The following ABCB11 variants were observed in gnomAD, a reference collection of about 807,000 sequenced individuals.
ABCB11 encodes the protein ATP binding cassette subfamily B member 11.
In ABCB11, 95 loss-of-function variants were observed where a neutral mutation model predicts 148.0. The observed-to-expected ratio is 0.64, with a 90% confidence interval of 0.54 to 0.76. The LOEUF (loss-of-function observed/expected upper bound fraction) is 0.76, where lower values mean the gene tolerates loss of function less well. Among genes scored for constraint, ABCB11 ranks in the 30% least tolerant of loss-of-function variants. The pLI, the probability that ABCB11 is intolerant of heterozygous loss-of-function variation, is 0.00. For synonymous variants in ABCB11, 591 were observed against 555.4 expected (o/e 1.06, Z -0.90); for missense variants, 1,523 against 1,617.8 (o/e 0.94, Z 1.01).
At chr2:169,018,260 T>C (rs905210992) in intron 1 of ABCB11, 108 bp from the exon 2 acceptor site, 2 of 987,336 alleles carry the variant, frequency 2.0e-6, no homozygotes, top group African/African-American at 1.6e-5. Context: ...TCTTTACTAA[T>C]CAATCTCAGA....
chr2:168,989,635 G>A (rs978090217), intron 9 of ABCB11, among the ~76,000 whole-genome samples: 1 of 152,018 alleles, frequency 6.6e-6, no homozygotes, highest in African/African-American at 2.4e-5. Flanking sequence ...GCTATTCAAG[G>A]TCTTTTGTGG....
chr2:168,956,866 C>A (rs1300798024), intron 19 of ABCB11, among the ~76,000 whole-genome samples: 1 of 151,592 alleles, frequency 6.6e-6, no homozygotes, highest in Admixed American at 6.6e-5. Context: ...ATTGTGAAAG[C>A]CCATTTTGGA....
Position 168,922,805 on chromosome 2 carries a change from G to T in ABCB11, c.*817C>A, listed in dbSNP as rs116118794. 17 of 152,210 alleles carry T rather than the reference G, an allele frequency of 1.1e-4. No homozygotes were observed. Among genetic ancestry groups the T allele is most frequent in the Non-Finnish European group, 1.8e-4 (12 of 68,012 alleles). 9.4% of individuals were successfully genotyped at this position (152,210 alleles called of 1,614,324 possible). On this transcript the variant is annotated 3_prime_UTR_variant, in exon 28 of 28. Transcript: ENST00000650372. ...ATGAAACTACAGCAAAGTAAAATGC[G>T]CTATTTTCATTTCATGAATATAATT...
intron 5 of ABCB11, among the ~76,000 whole-genome samples, chr2:169,003,323 C>CGTGTGTGTGTGTGT (rs139250976): frequency 3.5e-4 from 50 of 141,652 alleles, no homozygotes; most frequent in African/African-American, 1.1e-3. Flanking sequence ...TTCCATGGTG[C>CGTGTGTGTGTGTGT]GTGTGTGTGT....
In ABCB11 at chr2:168,932,540, C is replaced by A. The variant is rs1309190248; in HGVS notation, c.3057-7G>T. 1.2e-6 allele frequency: 2 copies of A among 1,612,588 alleles called. No homozygotes were observed. On this transcript the variant is annotated splice_region_variant and splice_polypyrimidine_tract_variant and intron_variant, in intron 23 of 27. Transcript: ENST00000650372. ...TACAACTGCAGAGATCACCCTGTAA[C>A]CAGACAGACACACAGGAAGAGAGCA...
chr2:168,976,255 T>C (rs1451555088), intron 12 of ABCB11, among the ~76,000 whole-genome samples: 1 of 152,138 alleles, frequency 6.6e-6, no homozygotes, highest in Admixed American at 6.6e-5. Context: ...ATTGTTGTAA[T>C]TGCCTTGTCA....
intron 5 of ABCB11, among the ~76,000 whole-genome samples, chr2:169,010,299 C>T (rs181897705): frequency 2.0e-5 from 3 of 152,114 alleles, no homozygotes; most frequent in Admixed American, 2.0e-4. Flanking sequence ...CCTTCATCTG[C>T]TTTCATTTTT....
intron 19 of ABCB11, among the ~76,000 whole-genome samples, chr2:168,954,947 C>A (rs1692727076): frequency 1.3e-5 from 2 of 151,480 alleles, no homozygotes; most frequent in Non-Finnish European, 3.0e-5. Flanking sequence ...TCTTTTTATT[C>A]TTTTTTCCTT....
intron 21 of ABCB11, among the ~76,000 whole-genome samples, chr2:168,944,251 G>C (rs1692199587): frequency 6.7e-6 from 1 of 150,106 alleles, no homozygotes; most frequent in Non-Finnish European, 1.5e-5. Context: ...GTGTGAGTAA[G>C]GAGACTTCCT....
chr2:168,932,627 C>T, intron 23 of ABCB11, 94 bp from the exon 24 acceptor site: 1 of 1,454,270 alleles, frequency 6.9e-7, no homozygotes, highest in Non-Finnish European at 9.3e-7. Flanking sequence ...CCTGGTTCTG[C>T]CAGGAAAGGA....
rs907514333 is a variant in ABCB11, at chr2:168,922,206, C to T, written c.*1416G>A. On this transcript the variant is annotated 3_prime_UTR_variant, in exon 28 of 28. Coordinates refer to ENST00000650372, the MANE Select transcript of ABCB11 (RefSeq NM_003742.4). ...AGAAAATCATTCTTCAATCTCCTGC[C>T]AGAAGAGAGGGGCTGGGAGTTCTTC... Among the ~76,000 whole-genome samples the T allele has an allele frequency of 6.6e-6, 1 of 152,136 alleles. No homozygotes were observed. The highest frequency in any genetic ancestry group is 2.4e-5 in the African/African-American group (1 of 41,432).
Position 168,921,411 on chromosome 2 carries a change from T to C in ABCB11, c.*2211A>G, listed in dbSNP as rs1257882430. ...AGGAAGCTGGAGTAGGGAGAAAACA[T>C]GATGGCAGGATAGGTTGGTGGGAAC... On this transcript the variant is annotated 3_prime_UTR_variant, in exon 28 of 28. Transcript: ENST00000650372. 6.6e-6 allele frequency among the ~76,000 whole-genome samples: 1 copy of C among 152,090 alleles called. No individual in the cohort carries two copies. The highest frequency in any genetic ancestry group is 1.5e-5 in the Non-Finnish European group (1 of 68,000).
chr2:168,969,980 C>A (rs1442731906), intron 15 of ABCB11, 65 bp downstream of exon 15: 6 of 912,868 alleles, frequency 6.6e-6, no homozygotes, highest in African/African-American at 3.4e-5. Context: ...CAAGGAGCTG[C>A]CTTTCCTGCA....
At chr2:168,930,197 T>G (rs56100844) in intron 25 of ABCB11, among the ~76,000 whole-genome samples, 2,296 of 152,306 alleles carry the variant, frequency 0.015, 31 homozygotes, top group Non-Finnish European at 0.022. Context: ...TACATGGCTC[T>G]CAATCTGAGT....
intron 2 of ABCB11, 107 bp downstream of exon 2, chr2:169,017,943 C>T (rs761337654): frequency 1.1e-6 from 1 of 885,772 alleles, no homozygotes; most frequent in South Asian, 1.3e-5. Flanking sequence ...GATACTTCTA[C>T]CTACTGTTGC....
At chr2:168,974,904 T>C (rs1693749172) in intron 12 of ABCB11, among the ~76,000 whole-genome samples, 2 of 150,176 alleles carry the variant, frequency 1.3e-5, no homozygotes, top group Non-Finnish European at 3.0e-5. Flanking sequence ...AAATATACTT[T>C]ATGTAATCAG....
At chr2:168,926,467 G>A (rs1436183911) in intron 26 of ABCB11, among the ~76,000 whole-genome samples, 2 of 152,142 alleles carry the variant, frequency 1.3e-5, no homozygotes, top group African/African-American at 4.8e-5. Context: ...TTGTCCCAAA[G>A]CTATGAAGCT....
At chr2:168,938,177 C>T (rs479682) in intron 21 of ABCB11, among the ~76,000 whole-genome samples, 72,228 of 152,062 alleles carry the variant, frequency 0.47, 17,522 homozygotes, top group African/African-American at 0.55. Context: ...AAAGCATTCC[C>T]ATGTGTTAGT....
chr2:168,940,645 G>T (rs541132691), intron 21 of ABCB11, among the ~76,000 whole-genome samples: 2 of 152,226 alleles, frequency 1.3e-5, no homozygotes, highest in East Asian at 3.9e-4. Context: ...ATTGATAAAG[G>T]TGGCTACACC....
Sources: allele counts gnomAD v4.1 joint callset (sites outside exome capture counted in the v4.1 genomes callset), GRCh38; gene constraint gnomAD v4.1.1; transcripts MANE v1.5; gene names NCBI Gene and HGNC (gene_info 2026-07-23, HGNC 2026-07-21).